GOLGA1: variants seen among roughly 807,000 people sequenced by gnomAD.
The protein encoded by GOLGA1 is golgin A1.
GOLGA1 carries 63 observed loss-of-function variants against 119.7 expected under a neutral mutation model. That is an observed-to-expected ratio of 0.53 (90% CI 0.43 to 0.65). GOLGA1 has a LOEUF of 0.65. Ranked by LOEUF, GOLGA1 falls within the 30% of genes least tolerant of loss-of-function variation. The pLI is 0.00. For missense variants in GOLGA1, 798 were observed against 912.8 expected, an observed-to-expected ratio of 0.87 and a Z score of 1.62; for synonymous variants, 318 against 333.4, an observed-to-expected ratio of 0.95 and a Z score of 0.50.
At chr9:124,901,687 G>A (rs35374873) in intron 12 of GOLGA1, among the ~76,000 whole-genome samples, 25 of 151,730 alleles carry the variant, frequency 1.6e-4, no homozygotes, top group Middle Eastern at 6.8e-3. Context: ...CGCCCACCTC[G>A]GCCTCCCAAA....
intron 22 of GOLGA1, 120 bp from the exon 23 acceptor site, chr9:124,880,730 G>A: frequency 1.5e-6 from 1 of 682,078 alleles, no homozygotes; most frequent in Non-Finnish European, 2.7e-6. Flanking sequence ...CCTGCCTCTG[G>A]CTCTGAGCAG....
At chr9:124,909,129 G>C (rs1483718994) in intron 11 of GOLGA1, among the ~76,000 whole-genome samples, 1 of 152,088 alleles carries the variant, frequency 6.6e-6, no homozygotes, top group Non-Finnish European at 1.5e-5. Flanking sequence ...GGCTAACGTG[G>C]TGAAATCCCA....
Position 124,921,908 on chromosome 9 carries a change from A to G in GOLGA1, c.562-16T>C. ...TTTTTAAAAGCTGACACAAAAATAC[A>G]AAGTTTCATTGGGCTATGCTAAGAA... On this transcript the variant is annotated splice_polypyrimidine_tract_variant and intron_variant, in intron 8 of 22. Coordinates refer to ENST00000373555, the MANE Select transcript of GOLGA1 (RefSeq NM_002077.4). 1 of 1,607,112 alleles carries G rather than the reference A, an allele frequency of 6.2e-7. No homozygotes were observed. Among genetic ancestry groups the G allele is most frequent in the Non-Finnish European group, 8.5e-7 (1 of 1,174,646 alleles).
intron 12 of GOLGA1, among the ~76,000 whole-genome samples, chr9:124,907,869 C>A (rs1482999787): frequency 6.6e-6 from 1 of 152,210 alleles, no homozygotes; most frequent in Non-Finnish European, 1.5e-5. Context: ...GAGCCAGGTG[C>A]AGGCTTGCTG....
chr9:124,902,955 G>A (rs1588072351), intron 12 of GOLGA1, among the ~76,000 whole-genome samples: 1 of 152,144 alleles, frequency 6.6e-6, no homozygotes, highest in Non-Finnish European at 1.5e-5. Context: ...CTAAGACGTT[G>A]TTTTACACTC....
In GOLGA1 at chr9:124,923,118, C is replaced by T. The variant is rs1210743871; in HGVS notation, c.538G>A (p.Glu180Lys). 1.2e-6 allele frequency: 2 copies of T among 1,608,768 alleles called. No individual in the cohort carries two copies. The highest frequency in any genetic ancestry group is 1.3e-5 in the African/African-American group (1 of 74,886). Residue 180 changes from glutamate (E) to lysine (K), a missense_variant, in exon 8 of 23, where the codon GAA (glutamate) becomes AAA (lysine). Physicochemically the swap from Glu to Lys is moderately conservative, Grantham distance 56. Coordinates refer to ENST00000373555, the MANE Select transcript of GOLGA1 (RefSeq NM_002077.4). Reference protein sequence around the residue: ...MDELEGFQQQELSKIKHMLLK... With the variant: ...MDELEGFQQQKLSKIKHMLLK... ...ACCATGTGCTTTATTTTACTTAGTT[C>T]CTGCTGCTGGAACCCCTCTAATTCA...
chr9:124,913,747 A>G (rs373171454), intron 10 of GOLGA1, among the ~76,000 whole-genome samples: 2 of 152,346 alleles, frequency 1.3e-5, no homozygotes, highest in South Asian at 4.1e-4. Flanking sequence ...AGACAGACAC[A>G]CACCTAATTA....
intron 5 of GOLGA1, 26 bp from the exon 6 acceptor site, chr9:124,928,311 G>A: frequency 7.9e-7 from 1 of 1,262,766 alleles, no homozygotes; most frequent in Non-Finnish European, 1.2e-6. Flanking sequence ...CTCTATTTGA[G>A]ATATGAAAAC....
At chr9:124,889,076 T>G in intron 18 of GOLGA1, 67 bp downstream of exon 18, 1 of 1,307,144 alleles carries the variant, frequency 7.7e-7, no homozygotes, top group Non-Finnish European at 1.1e-6. Flanking sequence ...GCTGCCTCCT[T>G]AGGGGCACTC....
intron 15 of GOLGA1, among the ~76,000 whole-genome samples, chr9:124,898,253 G>A (rs1230745841): frequency 1.3e-5 from 2 of 152,236 alleles, no homozygotes; most frequent in Non-Finnish European, 2.9e-5. Context: ...GCTGGCCTCT[G>A]TGGTAGGGTG....
At chr9:124,882,688 A>T (rs1829618453) in intron 19 of GOLGA1, 119 bp from the exon 20 acceptor site, 2 of 757,164 alleles carry the variant, frequency 2.6e-6, no homozygotes, top group Admixed American at 2.2e-5. Context: ...TGCCCTGAGA[A>T]GTCATCCTGA....
At chr9:124,909,134 A>C (rs1830287288) in intron 11 of GOLGA1, among the ~76,000 whole-genome samples, 1 of 150,864 alleles carries the variant, frequency 6.6e-6, no homozygotes, top group Non-Finnish European at 1.5e-5. Context: ...ACGTGGTGAA[A>C]TCCCATCTCT....
intron 16 of GOLGA1, among the ~76,000 whole-genome samples, 172 bp from the exon 17 acceptor site, chr9:124,889,708 C>T (rs1196308570): frequency 6.6e-6 from 1 of 152,154 alleles, no homozygotes; most frequent in Non-Finnish European, 1.5e-5. Flanking sequence ...CAAATCTATT[C>T]TCCTTGGTAG....
chr9:124,927,929 T>C (rs113695429), intron 6 of GOLGA1, among the ~76,000 whole-genome samples: 1 of 152,334 alleles, frequency 6.6e-6, no homozygotes, highest in South Asian at 2.1e-4. Flanking sequence ...AGATTACAGA[T>C]ACACTATTTC....
intron 11 of GOLGA1, 59 bp from the exon 12 acceptor site, chr9:124,908,531 C>A: frequency 1.1e-6 from 1 of 896,760 alleles, no homozygotes; most frequent in Non-Finnish European, 1.9e-6. Flanking sequence ...TAAATATTTA[C>A]AGATTATCTA....
upstream of GOLGA1, chr9:124,943,585 A>G (rs1831094338): frequency 6.6e-6 from 1 of 152,240 alleles, no homozygotes; most frequent in African/African-American, 2.4e-5. Context: ...GACAAGCACA[A>G]TTGTTAAAAA....
At position 124,938,664 on chromosome 9, in the gene GOLGA1, A is replaced by G. The variant is rs1421156162; in HGVS notation, c.48T>C (p.Ala16=). The G allele has an allele frequency of 1.2e-6, 2 of 1,613,496 alleles. No homozygotes were observed. Among genetic ancestry groups the G allele is most frequent in the South Asian group, 1.1e-5 (1 of 91,062 alleles). The stretch of plus-strand genomic sequence containing the variant: ...TCCTAGTAGCACCTCCTGGCCTCTG[A>G]GCAACAGCAGTCTCTTCTGCAATTT... ...KKKIAEETAV[A]QRPGGATRIP... is the part of the protein sequence containing the mutation. The change falls in exon 3 of 23, where the codon GCT becomes GCC. Residue 16 remains alanine (A), a synonymous_variant. Coordinates refer to ENST00000373555, the MANE Select transcript of GOLGA1 (RefSeq NM_002077.4).
chr9:124,900,376 G>C, intron 13 of GOLGA1, 76 bp downstream of exon 13: 1 of 794,168 alleles, frequency 1.3e-6, no homozygotes, highest in Non-Finnish European at 2.2e-6. Flanking sequence ...AGTTCGGAAT[G>C]AGTTTGGAGC....
chr9:124,891,421 C>T (rs183902050), intron 15 of GOLGA1, among the ~76,000 whole-genome samples: 1 of 152,290 alleles, frequency 6.6e-6, no homozygotes, highest in African/African-American at 2.4e-5. Context: ...CTTCAAAATA[C>T]ATGAAGCAAA....
Sources: gnomAD v4.1 joint callset for allele counts (sites outside exome capture counted in the v4.1 genomes callset) on GRCh38, gnomAD v4.1.1 for gene constraint, MANE v1.5 for transcripts, NCBI Gene and HGNC (gene_info 2026-07-23, HGNC 2026-07-21) for gene names.